FAM168B: variants seen among roughly 807,000 people sequenced by gnomAD.
FAM168B encodes the protein family with sequence similarity 168 member B, also known as myelin-associated neurite-outgrowth inhibitor.
Under a neutral mutation model 21.8 loss-of-function variants are expected in FAM168B, and 19 were observed. That is an observed-to-expected ratio of 0.87 (90% confidence interval 0.61 to 1.28). The LOEUF (loss-of-function observed/expected upper bound fraction) is 1.28, where lower values mean the gene tolerates loss of function less well. FAM168B is among the 50% of genes most tolerant of loss of function. The probability of loss-of-function intolerance (pLI) is 0.00; values close to 1 mark genes in which losing one functional copy is unlikely to be tolerated. For missense variants in FAM168B, 233 were observed against 263.1 expected, an observed-to-expected ratio of 0.89 and a Z score of 0.79; for synonymous variants, 126 against 104.8, an observed-to-expected ratio of 1.20 and a Z score of -1.24.
chr2:131,055,542 C>A lies in FAM168B; in HGVS notation c.297+11G>T. 1 of 1,602,024 alleles carries A rather than the reference C, an allele frequency of 6.2e-7. No individual in the cohort carries two copies. Among genetic ancestry groups the A allele is most frequent in the Non-Finnish European group, 8.5e-7 (1 of 1,175,320 alleles). On this transcript the variant is annotated intron_variant, in intron 4 of 6. Transcript: ENST00000389915. Reference sequence around the variant, plus strand: ...ACCCCTTCCCACACAGCAGTGTGTACCCAAGCATACCTGTGCATACGGGCT... The same window carrying A: ...ACCCCTTCCCACACAGCAGTGTGTAACCAAGCATACCTGTGCATACGGGCT...
At chr2:131,090,297 C>T (rs1198210071) in intron 1 of FAM168B, among the ~76,000 whole-genome samples, 8 of 137,774 alleles carry the variant, frequency 5.8e-5, no homozygotes, top group Middle Eastern at 3.6e-3. Flanking sequence ...CCAGCCTGGG[C>T]GACAAAGCGA....
intron 3 of FAM168B, among the ~76,000 whole-genome samples, chr2:131,056,724 C>A (rs780471534): frequency 6.6e-6 from 1 of 152,176 alleles, no homozygotes; most frequent in African/African-American, 2.4e-5. Context: ...TGCATCCATA[C>A]AAATCCTACT....
chr2:131,082,729 A>G, intron 1 of FAM168B, 72 bp from the exon 2 acceptor site: 2 of 929,414 alleles, frequency 2.2e-6, no homozygotes, highest in Non-Finnish European at 3.3e-6. Flanking sequence ...AGTCCCCAAA[A>G]AGCAGGTAGC....
intron 1 of FAM168B, among the ~76,000 whole-genome samples, chr2:131,092,986 C>T (rs999450425): frequency 6.6e-6 from 1 of 151,798 alleles, no homozygotes; most frequent in Admixed American, 6.6e-5. Context: ...GCCACCTAGG[C>T]GGCAGGCCCG....
chr2:131,074,434 GTTCT>G (rs1693033057), intron 2 of FAM168B, among the ~76,000 whole-genome samples: 1 of 152,232 alleles, frequency 6.6e-6, no homozygotes, highest in African/African-American at 2.4e-5. Flanking sequence ...GCCAGAAAGC[GTTCT>G]TTCTATTTGG....
chr2:131,084,077 A>AT (rs950077254), intron 1 of FAM168B, among the ~76,000 whole-genome samples: 115 of 151,168 alleles, frequency 7.6e-4, no homozygotes, highest in African/African-American at 2.7e-3. Context: ...TAATTTTTGT[A>AT]TTTTTAGTAG....
chr2:131,052,009 C>T lies in FAM168B; in HGVS notation c.*456G>A. 1.0e-6 allele frequency: 1 copy of T among 985,662 alleles called. No homozygotes were observed. Among genetic ancestry groups the T allele is most frequent in the Non-Finnish European group, 1.2e-6 (1 of 829,930 alleles). The allele number at this position is 985,662 out of a possible 1,614,324, so 61.1% of individuals were successfully genotyped here. Reference sequence around the variant, plus strand: ...ATTTCAGATGCTCTATGAAGAAATTCACTTTAACACTTATAACTGTAAGAC... The same window carrying T: ...ATTTCAGATGCTCTATGAAGAAATTTACTTTAACACTTATAACTGTAAGAC... On this transcript the variant is annotated 3_prime_UTR_variant, in exon 7 of 7. Transcript: ENST00000389915.
chr2:131,074,792 G>C (rs1002035078), intron 2 of FAM168B, among the ~76,000 whole-genome samples: 4 of 152,096 alleles, frequency 2.6e-5, no homozygotes, highest in African/African-American at 9.7e-5. Flanking sequence ...TCTGAATACA[G>C]CTCCTCACGT....
In FAM168B at chr2:131,049,286, A is replaced by G; in HGVS notation, c.*3179T>C. 1 of 985,500 alleles carries G rather than the reference A, an allele frequency of 1.0e-6. No homozygotes were observed. The highest frequency in any genetic ancestry group is 1.2e-6 in the Non-Finnish European group (1 of 830,010). The allele number at this position is 985,500 out of a possible 1,614,324, so 61.0% of individuals were successfully genotyped here. A position where few individuals can be genotyped will look rare whatever the true frequency, so the allele number is the denominator to read the frequency against. ...GTATGCCCAGCTGGGGAAGGGCAAG[A>G]CACTCACTGACCAGGTGCCCACCCC... On this transcript the variant is annotated 3_prime_UTR_variant, in exon 7 of 7. Transcript: ENST00000389915.
chr2:131,051,795 C>T lies in FAM168B; in HGVS notation c.*670G>A, dbSNP rs892707023. ...CCCTGTTCCACTGACTCCACCAAGC[C>T]TAAACTCAAAGGGATGTCCATGAAC... On this transcript the variant is annotated 3_prime_UTR_variant, in exon 7 of 7. Coordinates refer to ENST00000389915, the MANE Select transcript of FAM168B (RefSeq NM_001009993.4). 8.1e-6 allele frequency: 8 copies of T among 985,386 alleles called. No homozygotes were observed. The South Asian group carries it at 3.8e-4, about 46-fold the overall frequency. The allele number at this position is 985,386 out of a possible 1,614,324, so 61.0% of individuals were successfully genotyped here. A position where few individuals can be genotyped will look rare whatever the true frequency, so the allele number is the denominator to read the frequency against.
At chr2:131,083,888 A>C (rs1237027173) in intron 1 of FAM168B, among the ~76,000 whole-genome samples, 1 of 148,808 alleles carries the variant, frequency 6.7e-6, no homozygotes, top group Non-Finnish European at 1.5e-5. Context: ...TTATTTATTT[A>C]TTTATTTATT....
chr2:131,061,023 T>A (rs1692266405), intron 3 of FAM168B, among the ~76,000 whole-genome samples: 1 of 151,560 alleles, frequency 6.6e-6, no homozygotes. Flanking sequence ...GGCTAATTTT[T>A]TTTTTTTTTG....
In FAM168B at chr2:131,071,853, AC is replaced by A; in HGVS notation, c.154+1del. The A allele has an allele frequency of 6.2e-7, 1 of 1,613,668 alleles. No individual in the cohort carries two copies. The highest frequency in any genetic ancestry group is 8.5e-7 in the Non-Finnish European group (1 of 1,179,688). On this transcript the variant is annotated splice_donor_variant, in intron 3 of 6. Transcript: ENST00000389915. LOFTEE classifies it high-confidence loss of function. Reference sequence around the variant, plus strand: ...CAAAGCATTTTACCACCCAGCACATACCTGTTTGGAAGGTAGGATTCGCTCC... The same window carrying A: ...CAAAGCATTTTACCACCCAGCACATACTGTTTGGAAGGTAGGATTCGCTCC...
At chr2:131,075,418 T>C (rs1693093597) in intron 2 of FAM168B, among the ~76,000 whole-genome samples, 1 of 152,138 alleles carries the variant, frequency 6.6e-6, no homozygotes, top group South Asian at 2.1e-4. Context: ...TGCTCTGGAT[T>C]TGTTTGCTGA....
chr2:131,090,268 C>T (rs1344933216), intron 1 of FAM168B, among the ~76,000 whole-genome samples: 5 of 143,596 alleles, frequency 3.5e-5, no homozygotes, highest in Admixed American at 2.8e-4. Flanking sequence ...GCAATGAGCC[C>T]AGACCGTGCC....
rs542334982 is a variant in FAM168B at position 131,050,905 on chromosome 2, C to A, written c.*1560G>T. 1 of 985,818 alleles carries A rather than the reference C, an allele frequency of 1.0e-6. No homozygotes were observed. The highest frequency in any genetic ancestry group is 1.2e-6 in the Non-Finnish European group (1 of 830,252). The allele number at this position is 985,818 out of a possible 1,614,324, so 61.1% of individuals were successfully genotyped here. A position where few individuals can be genotyped will look rare whatever the true frequency, so the allele number is the denominator to read the frequency against. Reference sequence around the variant, plus strand: ...TGCCCTAGAGGCCGCTGAAAGGGACCCAGGCCTTACATCCCCCACCCCCAC... The same window carrying A: ...TGCCCTAGAGGCCGCTGAAAGGGACACAGGCCTTACATCCCCCACCCCCAC... On this transcript the variant is annotated 3_prime_UTR_variant, in exon 7 of 7. Coordinates refer to ENST00000389915, the MANE Select transcript of FAM168B (RefSeq NM_001009993.4).
chr2:131,060,785 T>C (rs1021800741), intron 3 of FAM168B, among the ~76,000 whole-genome samples: 3 of 151,974 alleles, frequency 2.0e-5, no homozygotes, highest in African/African-American at 7.2e-5. Flanking sequence ...TGGGGAAAGA[T>C]CACTGGGGAA....
chr2:131,086,513 T>C (rs536217996), intron 1 of FAM168B, among the ~76,000 whole-genome samples: 76 of 152,254 alleles, frequency 5.0e-4, no homozygotes, highest in African/African-American at 1.7e-3. Context: ...TTGAGATCAA[T>C]TGAGTCCAGG....
chr2:131,055,522 T>C, intron 4 of FAM168B, 31 bp downstream of exon 4: 5 of 1,598,780 alleles, frequency 3.1e-6, no homozygotes, highest in Non-Finnish European at 3.4e-6. Context: ...GTATCACCCC[T>C]TCCCACACAG....
Sources: gnomAD v4.1 joint callset for allele counts (sites outside exome capture counted in the v4.1 genomes callset) on GRCh38, gnomAD v4.1.1 for gene constraint, MANE v1.5 for transcripts, NCBI Gene and HGNC (gene_info 2026-07-23, HGNC 2026-07-21) for gene names.